Variants in PLXNB1 observed in about 807,000 individuals in gnomAD.
PLXNB1 encodes plexin-B1.
A neutral mutation model predicts 209.4 loss-of-function variants in PLXNB1; 106 were observed. That is an observed-to-expected ratio of 0.51 (90% confidence interval 0.43 to 0.59). PLXNB1 has a LOEUF of 0.59. Among genes scored for constraint, PLXNB1 ranks in the 20% least tolerant of loss-of-function variants. The pLI is 0.00. For synonymous variants in PLXNB1, 1,167 were observed against 1,183.2 expected (o/e 0.99, Z 0.28); for missense variants, 2,357 against 2,853.2 (o/e 0.83, Z 3.96).
chr3:48,416,686 C>T lies in PLXNB1; in HGVS notation c.3375-235G>A, dbSNP rs559541274. 1.3e-4 allele frequency: 51 copies of T among 391,046 alleles called. 1 individual carries two copies. In the South Asian group the frequency reaches 3.3e-3, roughly 25 times the overall value. 24.2% of individuals were successfully genotyped at this position (391,046 alleles called of 1,614,324 possible). A position where few individuals can be genotyped will look rare whatever the true frequency, so the allele number is the denominator to read the frequency against. On this transcript the variant is annotated intron_variant, in intron 16 of 37. Coordinates refer to ENST00000296440, the MANE Select transcript of PLXNB1 (RefSeq NM_001130082.3). This position sits in a 1 kb window ranked among gnomAD's most constrained non-coding sequence, Gnocchi z 4.1. ...TCATTTAAGTTCAACCCCAGGGGCC[C>T]CCAATAAGGAAGAATTTATCTGTGG...
In PLXNB1 at chr3:48,406,759, A is replaced by C; in HGVS notation, c.6228+64T>G. 2 of 1,540,618 alleles carry C rather than the reference A, an allele frequency of 1.3e-6. No individual in the cohort carries two copies. Among genetic ancestry groups the C allele is most frequent in the Non-Finnish European group, 1.8e-6 (2 of 1,138,946 alleles). On this transcript the variant is annotated intron_variant, in intron 36 of 37. Transcript: ENST00000296440. This position sits in a 1 kb window ranked among gnomAD's most constrained non-coding sequence, Gnocchi z 4.4. ...GGCTTCCCTGCAAAGGGGCAGTGTGAAGGGGGAAGGACCGTTGTGGCAGGA... is the reference window on the plus strand; with the variant it reads ...GGCTTCCCTGCAAAGGGGCAGTGTGCAGGGGGAAGGACCGTTGTGGCAGGA...
chr3:48,422,891 G>C lies in PLXNB1; in HGVS notation c.1164C>G (p.Ser388Arg). 2 of 1,614,130 alleles carry C rather than the reference G, an allele frequency of 1.2e-6. No individual in the cohort carries two copies. The highest frequency in any genetic ancestry group is 1.3e-5 in the African/African-American group (1 of 75,054). ...GSDHTPSPMA[S>R]RVPLEATPIL... ...TTGGTGTGGCTTCCAGCGGGACCCGGCTGGCCATGGGGCTGGGCGTGTGGT... is the reference window on the plus strand; with the variant it reads ...TTGGTGTGGCTTCCAGCGGGACCCGCCTGGCCATGGGGCTGGGCGTGTGGT... Residue 388 changes from serine to arginine, a missense_variant, in exon 4 of 38, where the codon AGC (serine) becomes AGG (arginine). Physicochemically the swap from Ser to Arg is moderately radical, Grantham distance 110. Around this residue, in one of 7 missense-constraint regions of PLXNB1, gnomAD observed 404 missense variants for 443.6 expected, o/e 0.91. Transcript: ENST00000296440.
chr3:48,418,033 T>C lies in PLXNB1; in HGVS notation c.3252A>G (p.Gly1084=). 6.2e-7 allele frequency: 1 copy of C among 1,613,340 alleles called. No homozygotes were observed. The highest frequency in any genetic ancestry group is 8.5e-7 in the Non-Finnish European group (1 of 1,179,966). The change falls in exon 16 of 38, where the codon GGA becomes GGG. Residue 1084 remains glycine (G), a synonymous_variant. Transcript: ENST00000296440. This position sits in a 1 kb window ranked among gnomAD's most constrained non-coding sequence, Gnocchi z 6.6. ...SVEPLTGPVD[G]GTRVTIRGSN... ...AGCCCCTGATGGTGACACGGGTGCC[T>C]CCGTCTACAGGCCCAGTCAGTGGCT...
In PLXNB1 at chr3:48,409,330, C is replaced by A; in HGVS notation, c.6086G>T (p.Arg2029Leu). Residue 2029 changes from arginine (R) to leucine (L), a missense_variant and splice_region_variant, in exon 34 of 38, where the codon CGG becomes CTG. Physicochemically the swap from Arg to Leu is moderately radical, Grantham distance 102 (BLOSUM62 -2). Around this residue, in one of 7 missense-constraint regions of PLXNB1, gnomAD observed 414 missense variants for 520.5 expected, o/e 0.80. Coordinates refer to ENST00000296440, the MANE Select transcript of PLXNB1 (RefSeq NM_001130082.3). The surrounding 1 kb of genome is among the most constrained non-coding windows in gnomAD (Gnocchi z 5.8). ...ACTLADHKLG[R>L]DSPINKLLYA... The stretch of plus-strand genomic sequence containing the variant: ...CGTGTCCATCCCAGACTCGCTCACC[C>A]GGCCCAGCTTGTGGTCGGCCAGGGT... The A allele has an allele frequency of 6.2e-7, 1 of 1,614,120 alleles. No homozygotes were observed. Among genetic ancestry groups the A allele is most frequent in the South Asian group, 1.1e-5 (1 of 91,078 alleles).
chr3:48,422,584 C>G, intron 4 of PLXNB1, 125 bp from the exon 5 acceptor site: 2 of 1,316,816 alleles, frequency 1.5e-6, no homozygotes, highest in Non-Finnish European at 2.1e-6. Flanking sequence ...ACAGGTCATA[C>G]CAACTGGCCT....
chr3:48,420,983 T>A, intron 8 of PLXNB1, 27 bp from the exon 9 acceptor site: 1 of 1,577,266 alleles, frequency 6.3e-7, no homozygotes, highest in African/African-American at 1.3e-5. Flanking sequence ...AGGGCCAGGG[T>A]TAAGCAGCAA....
chr3:48,408,312 C>G (rs550798141), intron 34 of PLXNB1, among the ~76,000 whole-genome samples: 1 of 152,284 alleles, frequency 6.6e-6, no homozygotes, highest in East Asian at 1.9e-4. Flanking sequence ...CCGTGCCAAG[C>G]TAATTTTGAT....
Position 48,404,204 on chromosome 3 carries a change from C to G in PLXNB1, c.*282G>C. 2.3e-6 allele frequency: 1 copy of G among 426,614 alleles called. No individual in the cohort carries two copies. Among genetic ancestry groups the G allele is most frequent in the Non-Finnish European group, 4.2e-6 (1 of 237,940 alleles). 26.4% of individuals were successfully genotyped at this position (426,614 alleles called of 1,614,324 possible). On this transcript the variant is annotated 3_prime_UTR_variant, in exon 38 of 38. Transcript: ENST00000296440. ...CCCAGGGGCCTGGAGTCTCTTCCAG[C>G]CACTCTCTGGAAGCCCTTAGTCCCC...
rs185779152 is a variant in PLXNB1, at chr3:48,418,839, T to C, written c.2955+78A>G. On this transcript the variant is annotated intron_variant, in intron 13 of 37. Transcript: ENST00000296440. This position sits in a 1 kb window ranked among gnomAD's most constrained non-coding sequence, Gnocchi z 6.6. The stretch of plus-strand genomic sequence containing the variant: ...CAGAGCGTGGCTCTGGAAAGTGTGG[T>C]GCAGCCAGCTACAGTTGGCAGCCAG... 1.5e-3 allele frequency: 2,407 copies of C among 1,567,808 alleles called. 4 individuals are homozygous for C. Among genetic ancestry groups the C allele is most frequent in the Middle Eastern group, 2.6e-3 (13 of 5,082 alleles).
At chr3:48,404,965 C>T (rs1231447358) in intron 37 of PLXNB1, among the ~76,000 whole-genome samples, 1 of 152,166 alleles carries the variant, frequency 6.6e-6, no homozygotes, top group Non-Finnish European at 1.5e-5. Flanking sequence ...GGTGGGAAAA[C>T]AGACACTGAT....
intron 27 of PLXNB1, 74 bp from the exon 28 acceptor site, chr3:48,412,083 G>A (rs2037720155): frequency 3.9e-6 from 6 of 1,558,052 alleles, no homozygotes; most frequent in Non-Finnish European, 5.3e-6. Context: ...CACTGGGGAA[G>A]GGGACAGGAC....
chr3:48,420,887 T>C lies in PLXNB1; in HGVS notation c.1880A>G (p.Tyr627Cys), dbSNP rs2038467466. 6 of 1,613,874 alleles carry C rather than the reference T, an allele frequency of 3.7e-6. No individual in the cohort carries two copies. Among genetic ancestry groups the C allele is most frequent in the South Asian group, 2.2e-5 (2 of 91,078 alleles). The change falls in exon 9 of 38, where the codon TAT becomes TGT. Residue 627 changes from tyrosine to cysteine, a missense_variant. Tyr to Cys is a radical substitution (Grantham distance 194). Coordinates refer to ENST00000296440, the MANE Select transcript of PLXNB1 (RefSeq NM_001130082.3). ...VVIAKTSLSF[Y>C]DCVAVTELRP... ...GAGTTCAGTGACCGCCACACAGTCA[T>C]AGAAAGAGAGGGAAGTTTTGGCGAT...
chr3:48,418,397 C>T lies in PLXNB1; in HGVS notation c.3050-34G>A. The T allele has an allele frequency of 6.2e-7, 1 of 1,613,094 alleles. No individual in the cohort carries two copies. The highest frequency in any genetic ancestry group is 1.1e-5 in the South Asian group (1 of 91,058). On this transcript the variant is annotated intron_variant, in intron 14 of 37. Coordinates refer to ENST00000296440, the MANE Select transcript of PLXNB1 (RefSeq NM_001130082.3). The surrounding 1 kb of genome is among the most constrained non-coding windows in gnomAD (Gnocchi z 6.6). ...GGCAGAGACACACGTGAGAGGCAGG[C>T]CTGGGAGAGCCCTGCTACCACCGCC... is the stretch of plus-strand genomic sequence containing the variant.
chr3:48,405,194 T>C lies in PLXNB1; in HGVS notation c.6303+530A>G, dbSNP rs2037239564. Among the ~76,000 whole-genome samples, 3 of 152,186 alleles carry C rather than the reference T, an allele frequency of 2.0e-5. No individual in the cohort carries two copies. The highest frequency in any genetic ancestry group is 4.8e-5 in the African/African-American group (2 of 41,442). ...CCTCATCTCTGAGCAGCAATAGCCA[T>C]GTCACTGGTGCCACACAAACATCTA... On this transcript the variant is annotated intron_variant, in intron 37 of 37. Coordinates refer to ENST00000296440, the MANE Select transcript of PLXNB1 (RefSeq NM_001130082.3). The surrounding 1 kb of genome is among the most constrained non-coding windows in gnomAD (Gnocchi z 5.0).
Position 48,409,997 on chromosome 3 carries a change from G to A in PLXNB1, c.5686C>T (p.Pro1896Ser), listed in dbSNP as rs1473802053. The change falls in exon 32 of 38, where the codon CCC (proline) becomes TCC (serine). Residue 1896 changes from proline (P) to serine (S), a missense_variant. By Grantham distance (74) the Pro-to-Ser change is moderately conservative. Around this residue, in one of 7 missense-constraint regions of PLXNB1, gnomAD observed 414 missense variants for 520.5 expected, o/e 0.80. Coordinates refer to ENST00000296440, the MANE Select transcript of PLXNB1 (RefSeq NM_001130082.3). This position sits in a 1 kb window ranked among gnomAD's most constrained non-coding sequence, Gnocchi z 5.8. ...CGAAGGCTGCCCCTCCGAGGCCTGG[G>A]CGGCTCCGGCTCATCACTTGGCTTC... is the stretch of plus-strand genomic sequence containing the variant. ...LVKPSDEPEPPRPRRGSLRGG... is the reference protein window; with the variant it reads ...LVKPSDEPEPSRPRRGSLRGG... 6.2e-7 allele frequency: 1 copy of A among 1,612,824 alleles called. No individual in the cohort carries two copies. Among genetic ancestry groups the A allele is most frequent in the South Asian group, 1.1e-5 (1 of 91,012 alleles).
At chr3:48,424,675 G>A in intron 2 of PLXNB1, 58 bp from the exon 3 acceptor site, 2 of 1,500,650 alleles carry the variant, frequency 1.3e-6, no homozygotes, top group Non-Finnish European at 1.8e-6. Flanking sequence ...GCACCCTGGG[G>A]CCACTGGTAA....
chr3:48,423,760 G>A lies in PLXNB1; in HGVS notation c.852C>T (p.Ser284=), dbSNP rs748369602. ...GLIQAAAVAT[S]REVAHGEVLF... ...GCACCTCCCCATGCGCCACCTCCCT[G>A]GACGTGGCCACAGCTGCAGCCTGGA... Residue 284 remains serine, a synonymous_variant, in exon 3 of 38, where the codon TCC becomes TCT. Transcript: ENST00000296440. 1.2e-6 allele frequency: 2 copies of A among 1,613,824 alleles called. No individual in the cohort carries two copies. The highest frequency in any genetic ancestry group is 1.7e-6 in the Non-Finnish European group (2 of 1,179,976).
At chr3:48,427,740 C>T (rs910350740) in intron 1 of PLXNB1, among the ~76,000 whole-genome samples, 3 of 152,202 alleles carry the variant, frequency 2.0e-5, no homozygotes, top group Non-Finnish European at 4.4e-5. Context: ...CCCACTCCCT[C>T]GCTATCCCAT....
chr3:48,427,030 T>C (rs2038930577), intron 1 of PLXNB1, among the ~76,000 whole-genome samples: 1 of 152,118 alleles, frequency 6.6e-6, no homozygotes, highest in Admixed American at 6.5e-5. Flanking sequence ...GTTAGACCAA[T>C]ACTCACTCCT....
Sources: allele counts gnomAD v4.1 joint callset (sites outside exome capture counted in the v4.1 genomes callset), GRCh38; gene constraint gnomAD v4.1.1; regional missense constraint gnomAD v4.1.1; non-coding constraint Gnocchi (gnomAD v3.1); transcripts MANE v1.5; gene names NCBI Gene and HGNC (gene_info 2026-07-23, HGNC 2026-07-21).